LOC400499: variants seen among roughly 807,000 people sequenced by gnomAD.
At chr16:11,387,521 G>A in the LOC400499 span, among the ~76,000 whole-genome samples, 2 of 152,190 alleles carry the variant, frequency 1.3e-5, no homozygotes, top group African/African-American at 4.8e-5. Context: ...ACAGAAACAA[G>A]CTGCCCCATT....
At chr16:11,431,014 A>T in the LOC400499 span, 1 of 399,036 alleles carries the variant, frequency 2.5e-6, no homozygotes. Context: ...CGCTGCCCCC[A>T]TGGCGTTCCC....
At chr16:11,402,416 C>T in the LOC400499 span, among the ~76,000 whole-genome samples, 2 of 152,212 alleles carry the variant, frequency 1.3e-5, no homozygotes, top group South Asian at 2.1e-4. Context: ...CAAGAGGTGG[C>T]GTCTGCCTCC....
chr16:11,504,185 C>G, the LOC400499 span, among the ~76,000 whole-genome samples: 113,442 of 152,142 alleles, frequency 0.75, 43,018 homozygotes, highest in African/African-American at 0.88. Flanking sequence ...GGAGGAAGAA[C>G]AAATTCAAAA....
At chr16:11,382,579 G>C in the LOC400499 span, among the ~76,000 whole-genome samples, 1 of 151,874 alleles carries the variant, frequency 6.6e-6, no homozygotes, top group Non-Finnish European at 1.5e-5. Flanking sequence ...CTGCTGTGTT[G>C]ATGATTATTG....
chr16:11,384,095 A>T, the LOC400499 span: 1 of 1,228,014 alleles, frequency 8.1e-7, no homozygotes, highest in Non-Finnish European at 1.0e-6. Context: ...ACTTCCCCCA[A>T]ACCCTGGGCC....
the LOC400499 span, among the ~76,000 whole-genome samples, chr16:11,430,549 G>A: frequency 6.6e-6 from 1 of 151,944 alleles, no homozygotes; most frequent in South Asian, 2.1e-4. Context: ...ACACAATTCA[G>A]GAATAAAATA....
At chr16:11,417,339 C>T in the LOC400499 span, among the ~76,000 whole-genome samples, 1 of 152,176 alleles carries the variant, frequency 6.6e-6, no homozygotes. Flanking sequence ...AATCCCCTGC[C>T]TCAGCCTCCC....
chr16:11,431,064 C>A, the LOC400499 span: 1 of 399,102 alleles, frequency 2.5e-6, no homozygotes, highest in East Asian at 3.6e-5. Context: ...TCTGCTTCAG[C>A]CTTCCTGTGA....
chr16:11,509,120 C>CTTTTT, the LOC400499 span, among the ~76,000 whole-genome samples: 2 of 130,764 alleles, frequency 1.5e-5, no homozygotes, highest in South Asian at 2.4e-4. Context: ...CCTTTTTTTT[C>CTTTTT]TTTTTTTTTT....
chr16:11,468,091 A>G, the LOC400499 span, among the ~76,000 whole-genome samples: 13 of 148,840 alleles, frequency 8.7e-5, no homozygotes, highest in East Asian at 7.8e-4. Context: ...ACAGGTGGGG[A>G]AAAAAAAAAC....
chr16:11,414,450 G>A, the LOC400499 span: 6 of 400,370 alleles, frequency 1.5e-5, no homozygotes, highest in East Asian at 2.1e-4. Flanking sequence ...GGGCTGCCAG[G>A]TCCATGCTGA....
the LOC400499 span, chr16:11,372,627 G>C: frequency 5.1e-5 from 27 of 527,748 alleles, no homozygotes; most frequent in Non-Finnish European, 6.1e-5. Flanking sequence ...TTCCATGCTG[G>C]TTATTCTGTC....
chr16:11,408,718 C>T, the LOC400499 span, among the ~76,000 whole-genome samples: 2 of 152,206 alleles, frequency 1.3e-5, no homozygotes, highest in South Asian at 2.1e-4. Flanking sequence ...CTTCCTTGGC[C>T]TCCCAAAGTG....
the LOC400499 span, among the ~76,000 whole-genome samples, chr16:11,452,643 G>A: frequency 6.6e-6 from 1 of 152,228 alleles, no homozygotes; most frequent in Admixed American, 6.5e-5. Flanking sequence ...CCTTCCATTT[G>A]TATCCCAAAA....
chr16:11,427,368 A>G, the LOC400499 span, among the ~76,000 whole-genome samples: 4 of 150,034 alleles, frequency 2.7e-5, no homozygotes, highest in East Asian at 7.7e-4. Context: ...AAAAAAAAAA[A>G]AAAAAAAAAA....
At chr16:11,505,186 G>A in the LOC400499 span, among the ~76,000 whole-genome samples, 21 of 150,954 alleles carry the variant, frequency 1.4e-4, no homozygotes, top group South Asian at 4.2e-4. Context: ...AGCATTTGCC[G>A]ATCGTCATGG....
At chr16:11,487,239 C>T in the LOC400499 span, 2 of 398,678 alleles carry the variant, frequency 5.0e-6, no homozygotes, top group Non-Finnish European at 4.4e-6. Context: ...CCTGCAGAGG[C>T]TATAGCAAGG....
At chr16:11,459,793 G>A in the LOC400499 span, 2 of 1,153,302 alleles carry the variant, frequency 1.7e-6, no homozygotes, top group Non-Finnish European at 2.2e-6. Context: ...TCAGCTGCTT[G>A]CATCCTTGTA....
the LOC400499 span, chr16:11,484,831 G>A: frequency 2.5e-6 from 1 of 394,822 alleles, no homozygotes; most frequent in East Asian, 3.6e-5. Flanking sequence ...GCATGAAGCG[G>A]GGTGGGCCTG....
Sources: allele counts gnomAD v4.1 joint callset (sites outside exome capture counted in the v4.1 genomes callset), GRCh38; gene constraint gnomAD v4.1.1; transcripts MANE v1.5.